Variants in TCF4 observed in about 807,000 individuals in gnomAD.
The protein encoded by TCF4 is transcription factor 4, also known as SL3-3 enhancer factor 2.
A neutral mutation model predicts 82.1 loss-of-function variants in TCF4; 3 were observed. The observed-to-expected ratio is 0.04, with a 90% CI of 0.02 to 0.09. TCF4 has a LOEUF of 0.09. TCF4 is among the 10% of genes least tolerant of loss of function. The pLI is 1.00. For missense variants in TCF4, 518 were observed against 852.7 expected (o/e 0.61, Z 4.89); for synonymous variants, 276 against 309.6 (o/e 0.89, Z 1.14).
rs182995826 is a variant in TCF4, at chr18:55,235,074, A to G, written c.1351-391T>C. Among the ~76,000 whole-genome samples, 412 of 152,250 alleles carry G rather than the reference A, an allele frequency of 2.7e-3. 3 individuals are homozygous for G. The highest frequency in any genetic ancestry group is 5.0e-3 in the Non-Finnish European group (341 of 68,012). ...CTCAATTCCCCCATTGCTATCGGAA[A>G]TCCTACAGGAATTTCAATTTGGCAT... On this transcript the variant is annotated intron_variant, in intron 15 of 19. Transcript: ENST00000354452.
intron 2 of TCF4, among the ~76,000 whole-genome samples, chr18:55,607,980 C>A (rs1175188883): frequency 1.3e-5 from 2 of 152,160 alleles, no homozygotes; most frequent in Non-Finnish European, 2.9e-5. Flanking sequence ...AACAAATGTG[C>A]TTTGCCCTGC....
At chr18:55,299,794 T>C (rs534377535) in intron 8 of TCF4, among the ~76,000 whole-genome samples, 2 of 152,098 alleles carry the variant, frequency 1.3e-5, no homozygotes, top group African/African-American at 4.8e-5. Context: ...GACCCTCCCT[T>C]GGCATATTCA....
intron 17 of TCF4, chr18:55,231,268 T>G (rs2144541861): frequency 6.6e-6 from 1 of 152,304 alleles, no homozygotes; most frequent in African/African-American, 2.4e-5. Flanking sequence ...ATGCTACACC[T>G]TACACAAAGG....
chr18:55,318,689 A>T (rs1484544273), intron 8 of TCF4, among the ~76,000 whole-genome samples: 1 of 152,144 alleles, frequency 6.6e-6, no homozygotes, highest in Non-Finnish European at 1.5e-5. Context: ...TCACAGAAAC[A>T]AGGAAAAATT....
At chr18:55,228,816 G>A (rs749044919) in intron 18 of TCF4, 31 bp downstream of exon 18, 2 of 1,611,642 alleles carry the variant, frequency 1.2e-6, no homozygotes, top group South Asian at 1.1e-5. Context: ...AGCTCCTCAC[G>A]AGCTCTGCAA....
In TCF4 at chr18:55,588,106, CCG is replaced by C; in HGVS notation, c.-91_-90del. ...AGGCGGCGTTCATGTCTAACCGCCG[CCG>C]CCACCGCCGCCGCCTGCTCCTGCGC... On this transcript the variant is annotated 5_prime_UTR_variant, in exon 1 of 20. Coordinates refer to ENST00000354452, the MANE Select transcript of TCF4 (RefSeq NM_001083962.2). 9.7e-7 allele frequency: 1 copy of C among 1,026,436 alleles called. No homozygotes were observed. Among genetic ancestry groups the C allele is most frequent in the Non-Finnish European group, 1.2e-6 (1 of 861,624 alleles). 63.6% of individuals were successfully genotyped at this position (1,026,436 alleles called of 1,614,324 possible).
At chr18:55,522,439 G>A (rs2096940757) in intron 3 of TCF4, among the ~76,000 whole-genome samples, 1 of 152,086 alleles carries the variant, frequency 6.6e-6, no homozygotes, top group Non-Finnish European at 1.5e-5. Flanking sequence ...AAAAATACAA[G>A]TGGAGTCTAG....
intron 15 of TCF4, among the ~76,000 whole-genome samples, chr18:55,251,840 T>TA (rs1240909353): frequency 2.0e-5 from 3 of 152,050 alleles, no homozygotes; most frequent in African/African-American, 7.2e-5. Flanking sequence ...CAAAGTTTTA[T>TA]AGCCTGTTTC....
intron 6 of TCF4, 147 bp downstream of exon 6, chr18:55,403,307 T>C: frequency 1.1e-6 from 1 of 894,400 alleles, no homozygotes; most frequent in East Asian, 2.4e-5. Flanking sequence ...AGCTCTGTGT[T>C]ATTTCATTAC....
chr18:55,232,287 T>C lies in TCF4; in HGVS notation c.1649+222A>G, dbSNP rs578117143. 146 of 527,928 alleles carry C rather than the reference T, an allele frequency of 2.8e-4. 1 individual carries two copies. The highest frequency in any genetic ancestry group is 4.3e-4 in the Non-Finnish European group (127 of 298,684). 32.7% of individuals were successfully genotyped at this position (527,928 alleles called of 1,614,324 possible). A position where few individuals can be genotyped will look rare whatever the true frequency, so the allele number is the denominator to read the frequency against. ...GACAAATTTTTTCACTGTGTGTCAT[T>C]AGCATTGGGTCCAGATTCATAAATG... On this transcript the variant is annotated intron_variant, in intron 17 of 19. Transcript: ENST00000354452.
chr18:55,315,945 T>A (rs1346883643), intron 8 of TCF4, among the ~76,000 whole-genome samples: 4 of 152,214 alleles, frequency 2.6e-5, no homozygotes, highest in Non-Finnish European at 5.9e-5. Context: ...CCCTTTTTTT[T>A]AAGTAATCAA....
chr18:55,285,604 T>C (rs1424149381), intron 8 of TCF4, among the ~76,000 whole-genome samples: 1 of 152,192 alleles, frequency 6.6e-6, no homozygotes, highest in Non-Finnish European at 1.5e-5. Context: ...CAACAGCACA[T>C]ACAGTCACTA....
intron 8 of TCF4, among the ~76,000 whole-genome samples, chr18:55,337,274 G>A (rs1189604622): frequency 2.6e-5 from 4 of 152,122 alleles, no homozygotes; most frequent in African/African-American, 2.4e-5. Context: ...GTCAGAAGTT[G>A]GTCATCTTAC....
intron 5 of TCF4, among the ~76,000 whole-genome samples, chr18:55,405,632 A>G (rs2146543216): frequency 6.6e-6 from 1 of 152,290 alleles, no homozygotes; most frequent in East Asian, 1.9e-4. Context: ...ACTTATAGAT[A>G]TAAGTTGGGC....
At chr18:55,470,793 TATTGATTTC>T (rs1192113639) in intron 3 of TCF4, among the ~76,000 whole-genome samples, 1 of 152,322 alleles carries the variant, frequency 6.6e-6, no homozygotes, top group South Asian at 2.1e-4. Context: ...TGTGGAAATA[TATTGATTTC>T]TTAATAAAAA....
chr18:55,256,514 T>C (rs1433143814), intron 14 of TCF4, among the ~76,000 whole-genome samples: 1 of 152,104 alleles, frequency 6.6e-6, no homozygotes, highest in South Asian at 2.1e-4. Context: ...TTGCTTTTCT[T>C]TTCAGATTTT....
rs372535354 is a variant in TCF4 at position 55,628,059 on chromosome 18, A to AAAAC, written c.286+3235_286+3238dup. Among the ~76,000 whole-genome samples the AAAAC allele has an allele frequency of 1.1e-3, 173 of 152,272 alleles. 1 individual carries two copies. Among genetic ancestry groups the AAAAC allele is most frequent in the Admixed American group, 6.8e-3 (104 of 15,294 alleles). On this transcript the variant is annotated intron_variant, in intron 2 of 20. Transcript: ENST00000398339. ...TGTGCGACAGAGCGAGACTGTCTAA[A>AAAAC]AAACAAACAAACAAACAAAGAACAG...
At chr18:55,578,470 T>C (rs1385552011) in intron 3 of TCF4, among the ~76,000 whole-genome samples, 1 of 152,070 alleles carries the variant, frequency 6.6e-6, no homozygotes, top group Non-Finnish European at 1.5e-5. Context: ...CTCTAAAGTC[T>C]CTTATAAATG....
At chr18:55,365,832 C>A (rs1004970597) in intron 6 of TCF4, among the ~76,000 whole-genome samples, 5 of 152,062 alleles carry the variant, frequency 3.3e-5, no homozygotes, top group Admixed American at 2.6e-4. Flanking sequence ...GCAGAGGTTG[C>A]ACTGAGCTGA....
Sources: allele counts gnomAD v4.1 joint callset (sites outside exome capture counted in the v4.1 genomes callset), GRCh38; gene constraint gnomAD v4.1.1; transcripts MANE v1.5; gene names NCBI Gene and HGNC (gene_info 2026-07-23, HGNC 2026-07-21).